The following CDH13 variants were observed in gnomAD, a reference collection of about 807,000 sequenced individuals.
The protein encoded by CDH13 is cadherin 13.
Under a neutral mutation model 63.8 loss-of-function variants are expected in CDH13, and 24 were observed. The ratio of observed to expected loss-of-function variants is 0.38; its 90% CI spans 0.27 to 0.53. CDH13 has a LOEUF of 0.53. Ranked by LOEUF, CDH13 falls within the 20% of genes least tolerant of loss-of-function variation. CDH13 has a pLI of 0.85. For synonymous variants in CDH13, 503 were observed against 355.3 expected (o/e 1.42, Z -4.67); for missense variants, 1,049 against 903.1 (o/e 1.16, Z -2.07).
chr16:83,350,843 T>C (rs2090937795), intron 6 of CDH13, among the ~76,000 whole-genome samples: 1 of 152,212 alleles, frequency 6.6e-6, no homozygotes, highest in Non-Finnish European at 1.5e-5. Context: ...TTATTTTTCC[T>C]CCAGGATCCA....
intron 6 of CDH13, among the ~76,000 whole-genome samples, chr16:83,449,095 G>T (rs189934149): frequency 3.6e-4 from 55 of 152,328 alleles, no homozygotes; most frequent in Admixed American, 2.9e-3. Flanking sequence ...TCAGCAGGCT[G>T]CAGCTTCCAT....
chr16:83,263,765 G>A (rs1400821203), intron 5 of CDH13, among the ~76,000 whole-genome samples: 1 of 152,120 alleles, frequency 6.6e-6, no homozygotes, highest in Non-Finnish European at 1.5e-5. Context: ...GCAGGCTGCT[G>A]CCATGGCCTC....
chr16:82,705,186 G>C, intron 1 of CDH13: 1 of 455,850 alleles, frequency 2.2e-6, no homozygotes. Context: ...TTGCTTCCAG[G>C]ACTATTATTT....
Position 83,671,036 on chromosome 16 carries a change from C to T in CDH13, c.1284+64C>T, listed in dbSNP as rs575845855. The T allele has an allele frequency of 4.4e-6, 6 of 1,372,358 alleles. No homozygotes were observed. The Admixed American group carries it at 6.7e-5, about 15-fold the overall frequency. The allele number at this position is 1,372,358 out of a possible 1,614,324, so 85.0% of individuals were successfully genotyped here. On this transcript the variant is annotated intron_variant, in intron 9 of 13. Coordinates refer to ENST00000567109, the MANE Select transcript of CDH13 (RefSeq NM_001257.5). ...GCACGGAGGGCCCCATGAGGCAGCT[C>T]ATAGAATCATTGAGTTTAGAAGGCC...
intron 10 of CDH13, among the ~76,000 whole-genome samples, chr16:83,689,889 T>A (rs1904675068): frequency 6.6e-6 from 1 of 152,122 alleles, no homozygotes; most frequent in Non-Finnish European, 1.5e-5. Flanking sequence ...CCAGAAACAA[T>A]TAAAAATATC....
chr16:83,550,725 C>A (rs1598274602), intron 7 of CDH13, among the ~76,000 whole-genome samples: 1 of 152,142 alleles, frequency 6.6e-6, no homozygotes, highest in Non-Finnish European at 1.5e-5. Context: ...CTGTTCTATC[C>A]TTTGTTGCTG....
chr16:83,320,085 G>A (rs1047777929), intron 5 of CDH13, among the ~76,000 whole-genome samples: 1 of 152,164 alleles, frequency 6.6e-6, no homozygotes, highest in African/African-American at 2.4e-5. Flanking sequence ...TGTCACTCAG[G>A]CTGGAGTGCA....
At chr16:83,249,400 C>G (rs1197525673) in intron 5 of CDH13, among the ~76,000 whole-genome samples, 4 of 152,206 alleles carry the variant, frequency 2.6e-5, no homozygotes, top group African/African-American at 9.6e-5. Context: ...CTTCACAGAG[C>G]TGGTGGTTAA....
chr16:82,923,041 A>C (rs778999341), intron 2 of CDH13, among the ~76,000 whole-genome samples: 1 of 152,196 alleles, frequency 6.6e-6, no homozygotes, highest in South Asian at 2.1e-4. Context: ...ATATACCTTA[A>C]AGAACATTTT....
rs935179572 is a variant in CDH13, at chr16:83,655,427, C to T, written c.1102-15363C>T. 3.9e-5 allele frequency among the ~76,000 whole-genome samples: 6 copies of T among 152,214 alleles called. No individual in the cohort carries two copies. The East Asian group carries it at 5.8e-4, about 15-fold the overall frequency. On this transcript the variant is annotated intron_variant, in intron 8 of 13. Coordinates refer to ENST00000567109, the MANE Select transcript of CDH13 (RefSeq NM_001257.5). ...CTGTTGAGTGACAAAGCCAGATCCT[C>T]TGAGGTGGGGCACTGAGCAGAGGCC...
chr16:83,733,656 C>G (rs1180920766), intron 10 of CDH13, among the ~76,000 whole-genome samples: 1 of 152,162 alleles, frequency 6.6e-6, no homozygotes, highest in African/African-American at 2.4e-5. Flanking sequence ...ACTCAGAGAC[C>G]CAGGTGCCAG....
At chr16:83,433,446 ATG>A (rs2072190019) in intron 6 of CDH13, among the ~76,000 whole-genome samples, 1 of 152,236 alleles carries the variant, frequency 6.6e-6, no homozygotes, top group Non-Finnish European at 1.5e-5. Flanking sequence ...TACTGGGAAA[ATG>A]CATGACCAGC....
intron 2 of CDH13, among the ~76,000 whole-genome samples, chr16:82,902,748 A>T (rs7200225): frequency 0.51 from 77,049 of 151,894 alleles, 20,588 homozygotes; most frequent in African/African-American, 0.6. Context: ...GATTTCCCCA[A>T]CGAAACCTAC....
intron 1 of CDH13, among the ~76,000 whole-genome samples, chr16:82,677,684 A>G (rs146357511): frequency 1.3e-3 from 203 of 152,238 alleles, no homozygotes; most frequent in African/African-American, 4.7e-3. Flanking sequence ...ACAATACACT[A>G]TAAGGTGTAC....
In CDH13 at chr16:83,130,287, G is replaced by A. The variant is rs575873025; in HGVS notation, c.483+4786G>A. 1.1e-3 allele frequency among the ~76,000 whole-genome samples: 160 copies of A among 152,312 alleles called. 1 individual carries two copies. The highest frequency in any genetic ancestry group is 0.01 in the South Asian group (50 of 4,828). ...GAAGGTAATGAGACTCAGGGGTGAC[G>A]TAACCTGTCCAAAGCCACACAGCTA... On this transcript the variant is annotated intron_variant, in intron 4 of 13. Transcript: ENST00000567109.
At chr16:83,571,352 C>G (rs949991646) in intron 7 of CDH13, among the ~76,000 whole-genome samples, 4 of 152,072 alleles carry the variant, frequency 2.6e-5, no homozygotes, top group African/African-American at 9.7e-5. Context: ...GGAAGAAGCT[C>G]TAACGGTCTT....
rs148777587 is a variant in CDH13, at chr16:83,151,254, CAT to C, written c.483+25754_483+25755del. ...GTGACACAATATGCTCCATGACAAA[CAT>C]GTGTGAGACTAACTGCATTAGAATT... On this transcript the variant is annotated intron_variant, in intron 4 of 13. Transcript: ENST00000567109. 2.0e-3 allele frequency among the ~76,000 whole-genome samples: 310 copies of C among 152,302 alleles called. 2 individuals are homozygous for C. Among genetic ancestry groups the C allele is most frequent in the African/African-American group, 7.1e-3 (297 of 41,582 alleles).
intron 6 of CDH13, among the ~76,000 whole-genome samples, chr16:83,478,901 T>C (rs1442803618): frequency 6.7e-6 from 1 of 148,742 alleles, no homozygotes; most frequent in Admixed American, 6.7e-5. Context: ...CAATTGGACA[T>C]CCCCTCAAAT....
chr16:83,094,717 C>T (rs76930486), intron 3 of CDH13, among the ~76,000 whole-genome samples: 10,130 of 152,240 alleles, frequency 0.067, 538 homozygotes, highest in African/African-American at 0.14. Context: ...ATTGAAGTAG[C>T]ATTTCATAAC....
Sources: allele counts gnomAD v4.1 joint callset (sites outside exome capture counted in the v4.1 genomes callset), GRCh38; gene constraint gnomAD v4.1.1; transcripts MANE v1.5; gene names NCBI Gene and HGNC (gene_info 2026-07-23, HGNC 2026-07-21).